The following ZNF827 variants were observed in gnomAD, a reference collection of about 807,000 sequenced individuals.
ZNF827 encodes zinc finger protein 827.
In ZNF827, 13 loss-of-function variants were observed where a neutral mutation model predicts 102.4. The observed-to-expected ratio is 0.13, with a 90% CI of 0.08 to 0.20. The LOEUF is 0.20. Ranked by LOEUF, ZNF827 falls within the 10% of genes least tolerant of loss-of-function variation. The pLI is 1.00. For synonymous variants in ZNF827, 523 were observed against 536.2 expected (o/e 0.98, Z 0.34); for missense variants, 1,103 against 1,344.4 (o/e 0.82, Z 2.81).
intron 4 of ZNF827, among the ~76,000 whole-genome samples, chr4:145,884,554 C>A (rs970126055): frequency 6.6e-6 from 1 of 152,140 alleles, no homozygotes; most frequent in Non-Finnish European, 1.5e-5. Context: ...TTCCCCACCC[C>A]CTACATCTCC....
chr4:145,903,330 T>C (rs1337882333), intron 1 of ZNF827, 115 bp from the exon 2 acceptor site: 8 of 1,447,072 alleles, frequency 5.5e-6, no homozygotes, highest in Non-Finnish European at 7.2e-6. Context: ...AAGAACCAAA[T>C]GAAAGGTGGC....
intron 1 of ZNF827, among the ~76,000 whole-genome samples, chr4:145,929,450 A>G (rs1753652362): frequency 6.6e-6 from 1 of 152,364 alleles, no homozygotes; most frequent in East Asian, 1.9e-4. Flanking sequence ...AAATCTGGTT[A>G]TAATGCATAT....
intron 7 of ZNF827, among the ~76,000 whole-genome samples, chr4:145,845,551 G>A (rs540221471): frequency 1.7e-3 from 260 of 152,278 alleles, no homozygotes; most frequent in Admixed American, 3.7e-3. Flanking sequence ...AGGCAGTCAG[G>A]AGCAGGGTTG....
intron 1 of ZNF827, among the ~76,000 whole-genome samples, chr4:145,916,251 C>T (rs1752658497): frequency 6.6e-6 from 1 of 152,204 alleles, no homozygotes; most frequent in South Asian, 2.1e-4. Flanking sequence ...GTCGTGAAAT[C>T]TAGATGAAGG....
At chr4:145,924,715 C>T (rs887802326) in intron 1 of ZNF827, among the ~76,000 whole-genome samples, 3 of 152,218 alleles carry the variant, frequency 2.0e-5, no homozygotes, top group East Asian at 3.8e-4. Flanking sequence ...AACTACCACA[C>T]CTCACAGTTG....
At chr4:145,823,776 A>T (rs567278654) in intron 7 of ZNF827, among the ~76,000 whole-genome samples, 2 of 152,316 alleles carry the variant, frequency 1.3e-5, no homozygotes, top group African/African-American at 4.8e-5. Flanking sequence ...CATCTTTGAA[A>T]CACTGTTAAA....
intron 1 of ZNF827, among the ~76,000 whole-genome samples, chr4:145,917,656 C>T (rs1328211226): frequency 7.7e-6 from 1 of 129,502 alleles, no homozygotes; most frequent in Admixed American, 8.8e-5. Context: ...TGGAAACATG[C>T]TCTACTGCTA....
At chr4:145,835,774 G>A (rs1221762277) in intron 7 of ZNF827, among the ~76,000 whole-genome samples, 1 of 134,350 alleles carries the variant, frequency 7.4e-6, no homozygotes, top group East Asian at 2.8e-4. Context: ...ATTAGAGCCT[G>A]TTATCACTCA....
intron 1 of ZNF827, among the ~76,000 whole-genome samples, chr4:145,905,872 T>C (rs971969259): frequency 3.9e-5 from 6 of 152,214 alleles, no homozygotes; most frequent in Admixed American, 1.3e-4. Context: ...AGTACACTCA[T>C]TAAGTGAAGT....
In ZNF827 at chr4:145,765,764, CT is replaced by C; in HGVS notation, c.2861-27del. The C allele has an allele frequency of 3.1e-6, 5 of 1,604,522 alleles. No individual in the cohort carries two copies. The highest frequency in any genetic ancestry group is 2.2e-5 in the East Asian group (1 of 44,720). ...CTGAAAAATAAGCAAATAACCCAGTCTGTTAATGAGATGAAAATCCTCAGAA... is the reference window on the plus strand; with the variant it reads ...CTGAAAAATAAGCAAATAACCCAGTCGTTAATGAGATGAAAATCCTCAGAA... On this transcript the variant is annotated intron_variant, in intron 11 of 14. Coordinates refer to ENST00000508784, the MANE Select transcript of ZNF827 (RefSeq NM_001306215.2). The surrounding 1 kb of genome is among the most constrained non-coding windows in gnomAD (Gnocchi z 4.7).
chr4:145,882,954 T>C (rs554676869), intron 4 of ZNF827, among the ~76,000 whole-genome samples: 3 of 152,310 alleles, frequency 2.0e-5, no homozygotes, highest in African/African-American at 7.2e-5. Context: ...TCCCTGGGAT[T>C]TGGCCTTTTT....
intron 9 of ZNF827, 51 bp downstream of exon 9, chr4:145,779,323 A>C (rs374931273): frequency 3.3e-5 from 53 of 1,585,410 alleles, no homozygotes; most frequent in Non-Finnish European, 4.3e-5. Context: ...GAGAGTAAAG[A>C]AGTTGGTGAT....
At chr4:145,893,712 T>C (rs1184930607) in intron 2 of ZNF827, among the ~76,000 whole-genome samples, 1 of 152,220 alleles carries the variant, frequency 6.6e-6, no homozygotes, top group Non-Finnish European at 1.5e-5. Flanking sequence ...CCTTCTGATA[T>C]GTCATCTGTG....
At chr4:145,916,281 C>T (rs1752661757) in intron 1 of ZNF827, among the ~76,000 whole-genome samples, 1 of 152,212 alleles carries the variant, frequency 6.6e-6, no homozygotes, top group Admixed American at 6.5e-5. Flanking sequence ...GCCCACAGCT[C>T]TTGAATTTTG....
intron 8 of ZNF827, among the ~76,000 whole-genome samples, chr4:145,784,853 C>CT (rs1275774407): frequency 6.6e-6 from 1 of 152,052 alleles, no homozygotes; most frequent in Non-Finnish European, 1.5e-5. Context: ...ATGGTAACCT[C>CT]TTTTTTTGTA....
At chr4:145,835,163 C>A (rs1744673770) in intron 7 of ZNF827, 1 of 152,302 alleles carries the variant, frequency 6.6e-6, no homozygotes, top group African/African-American at 2.4e-5. Flanking sequence ...GGAACTCTAG[C>A]CCAAGGCTCT....
chr4:145,802,309 G>C (rs1348610617), intron 8 of ZNF827, among the ~76,000 whole-genome samples: 1 of 152,132 alleles, frequency 6.6e-6, no homozygotes, highest in Non-Finnish European at 1.5e-5. Context: ...ACAAAGCAGA[G>C]TATCACCAGA....
intron 8 of ZNF827, among the ~76,000 whole-genome samples, chr4:145,793,988 C>T: frequency 6.6e-6 from 1 of 152,152 alleles, no homozygotes; most frequent in Non-Finnish European, 1.5e-5. Flanking sequence ...CACCTCATCC[C>T]CCTGCCTCCC....
chr4:145,843,720 C>T (rs973588852), intron 7 of ZNF827, among the ~76,000 whole-genome samples: 3 of 152,162 alleles, frequency 2.0e-5, no homozygotes, highest in African/African-American at 4.8e-5. Context: ...CCGGAGTTTG[C>T]GTAAGTGTTG....
Sources: allele counts gnomAD v4.1 joint callset (sites outside exome capture counted in the v4.1 genomes callset), GRCh38; gene constraint gnomAD v4.1.1; non-coding constraint Gnocchi (gnomAD v3.1); transcripts MANE v1.5; gene names NCBI Gene and HGNC (gene_info 2026-07-23, HGNC 2026-07-21).